POLN: variants seen among roughly 807,000 people sequenced by gnomAD.
POLN encodes the protein DNA polymerase nu.
A neutral mutation model predicts 113.5 loss-of-function variants in POLN; 108 were observed. The ratio of observed to expected loss-of-function variants is 0.95; its 90% CI spans 0.81 to 1.12. The LOEUF is 1.12. Among genes scored for constraint, POLN ranks in the 50% most tolerant of loss-of-function variants. The pLI is 0.00. For synonymous variants in POLN, 386 were observed against 391.5 expected (o/e 0.99, Z 0.17); for missense variants, 1,097 against 1,077.1 (o/e 1.02, Z -0.26).
intron 19 of POLN, among the ~76,000 whole-genome samples, chr4:2,119,632 CTAAG>C (rs984524773): frequency 2.0e-5 from 3 of 152,112 alleles, no homozygotes; most frequent in East Asian, 1.9e-4. Flanking sequence ...GAAAACGTTA[CTAAG>C]TATTTCAGAA....
Position 2,215,223 on chromosome 4 carries a change from T to C in POLN, c.134-2097A>G, listed in dbSNP as rs73796968. On this transcript the variant is annotated intron_variant, in intron 3 of 25. Transcript: ENST00000511885. ...ATAGCCACTAAAAAGAATGACCTTG[T>C]TAAAACATAGATTGCAGGGGGGAAA... Among the ~76,000 whole-genome samples, 328 of 152,240 alleles carry C rather than the reference T, an allele frequency of 2.2e-3. 1 individual carries two copies. The highest frequency in any genetic ancestry group is 7.5e-3 in the African/African-American group (310 of 41,550).
At chr4:2,241,146 A>T (rs1734972438) in intron 2 of POLN, 1 of 497,262 alleles carries the variant, frequency 2.0e-6, no homozygotes, top group Non-Finnish European at 3.5e-6. Flanking sequence ...CAGTGTTTTT[A>T]AAAAGAAGAC....
At chr4:2,204,609 A>C (rs969752533) in intron 5 of POLN, among the ~76,000 whole-genome samples, 6 of 152,220 alleles carry the variant, frequency 3.9e-5, no homozygotes, top group African/African-American at 1.4e-4. Context: ...TATCACCCTA[A>C]TACCAATACC....
chr4:2,200,052 T>C (rs904361836), intron 5 of POLN, among the ~76,000 whole-genome samples: 1 of 152,224 alleles, frequency 6.6e-6, no homozygotes, highest in Non-Finnish European at 1.5e-5. Flanking sequence ...AGATACTCCA[T>C]GTTTATGGAT....
chr4:2,178,348 G>C (rs35931129), intron 8 of POLN, among the ~76,000 whole-genome samples: 6,078 of 152,324 alleles, frequency 0.04, 159 homozygotes, highest in Middle Eastern at 0.051. Context: ...GCTTGAGCTA[G>C]CTCAGTAGCC....
chr4:2,136,030 A>C (rs545325765), intron 16 of POLN, among the ~76,000 whole-genome samples: 1 of 152,244 alleles, frequency 6.6e-6, no homozygotes, highest in African/African-American at 2.4e-5. Flanking sequence ...CATACTCCTA[A>C]TTTGTTGGAG....
At chr4:2,240,552 T>A (rs774594673) in intron 2 of POLN, 8 of 1,613,668 alleles carry the variant, frequency 5.0e-6, no homozygotes, top group Non-Finnish European at 6.8e-6. Flanking sequence ...CAGAGATTTG[T>A]GGCTAGTTAC....
intron 13 of POLN, among the ~76,000 whole-genome samples, chr4:2,167,685 G>T (rs377253097): frequency 2.6e-5 from 4 of 152,170 alleles, no homozygotes; most frequent in African/African-American, 9.7e-5. Flanking sequence ...GGTCACCTGA[G>T]GTCAGGAGTT....
intron 4 of POLN, 101 bp from the exon 5 acceptor site, chr4:2,208,588 G>A (rs1733916426): frequency 1.1e-6 from 1 of 941,502 alleles, no homozygotes; most frequent in Non-Finnish European, 1.5e-6. Flanking sequence ...GTAATATGGA[G>A]ACACAATCTT....
intron 14 of POLN, 127 bp from the exon 15 acceptor site, chr4:2,158,038 G>A: frequency 1.9e-6 from 1 of 519,218 alleles, no homozygotes; most frequent in Non-Finnish European, 3.4e-6. Context: ...CGCAACTTCT[G>A]CCTCCTGGGG....
chr4:2,213,777 T>A (rs1734047107), intron 3 of POLN, among the ~76,000 whole-genome samples: 1 of 152,068 alleles, frequency 6.6e-6, no homozygotes, highest in African/African-American at 2.4e-5. Context: ...AAATGTAAAA[T>A]CTTATTAAAT....
intron 23 of POLN, among the ~76,000 whole-genome samples, chr4:2,076,042 AGCCCCAGCCAG>A (rs919088847): frequency 1.3e-5 from 2 of 151,900 alleles, no homozygotes; most frequent in African/African-American, 4.8e-5. Flanking sequence ...GCATCCAGCC[AGCCCCAGCCAG>A]GCCCCAGCCA....
intron 13 of POLN, among the ~76,000 whole-genome samples, chr4:2,163,027 CAAA>C (rs66769262): frequency 1.2e-4 from 8 of 66,556 alleles, no homozygotes; most frequent in South Asian, 6.7e-4. Context: ...CAGTTCCTAC[CAAA>C]AAAAAAAAAA....
chr4:2,212,251 T>C (rs1220653414), intron 4 of POLN, among the ~76,000 whole-genome samples: 2 of 152,206 alleles, frequency 1.3e-5, no homozygotes, highest in Non-Finnish European at 2.9e-5. Flanking sequence ...ATTGTGAATG[T>C]TATAGCCCTG....
At chr4:2,090,293 GT>G (rs1419728905) in intron 20 of POLN, 8 of 810,716 alleles carry the variant, frequency 9.9e-6, no homozygotes, top group Non-Finnish European at 1.6e-5. Context: ...CATCAAACTT[GT>G]TCTTCAGAAC....
chr4:2,211,083 T>C (rs1461521326), intron 4 of POLN, among the ~76,000 whole-genome samples: 1 of 149,630 alleles, frequency 6.7e-6, no homozygotes, highest in Non-Finnish European at 1.5e-5. Flanking sequence ...AAACCCCATC[T>C]CTATTAAAAA....
chr4:2,131,891 A>C (rs1731736146), intron 16 of POLN, among the ~76,000 whole-genome samples: 1 of 152,236 alleles, frequency 6.6e-6, no homozygotes, highest in African/African-American at 2.4e-5. Flanking sequence ...TCAAATCATG[A>C]GAATTTCTGT....
intron 19 of POLN, among the ~76,000 whole-genome samples, chr4:2,120,179 G>A (rs1731406632): frequency 6.6e-6 from 1 of 152,122 alleles, no homozygotes; most frequent in South Asian, 2.1e-4. Context: ...TTAATATCAG[G>A]TGGGGTGATT....
intron 16 of POLN, among the ~76,000 whole-genome samples, chr4:2,154,680 A>G (rs976455011): frequency 1.3e-5 from 2 of 152,218 alleles, no homozygotes; most frequent in African/African-American, 4.8e-5. Context: ...AAAAGTACCA[A>G]AAATGTTCAT....
Sources: allele counts gnomAD v4.1 joint callset (sites outside exome capture counted in the v4.1 genomes callset), GRCh38; gene constraint gnomAD v4.1.1; transcripts MANE v1.5; gene names NCBI Gene and HGNC (gene_info 2026-07-23, HGNC 2026-07-21).